The following DENND1A variants were observed in gnomAD, a reference collection of about 807,000 sequenced individuals.
The protein encoded by DENND1A is DENN domain-containing protein 1A.
Under a neutral mutation model 113.7 loss-of-function variants are expected in DENND1A, and 51 were observed. That is an observed-to-expected ratio of 0.45 (90% CI 0.36 to 0.57). DENND1A has a LOEUF of 0.57. Among genes scored for constraint, DENND1A ranks in the 20% least tolerant of loss-of-function variants. The pLI is 0.00. For missense variants in DENND1A, 1,258 were observed against 1,395.9 expected (o/e 0.90, Z 1.57); for synonymous variants, 565 against 570.8 (o/e 0.99, Z 0.14).
chr9:123,551,801 G>A (rs940712259), intron 13 of DENND1A, among the ~76,000 whole-genome samples: 1 of 152,092 alleles, frequency 6.6e-6, no homozygotes, highest in Non-Finnish European at 1.5e-5. Context: ...GCCCTGAGCC[G>A]GGCACCCAGC....
intron 3 of DENND1A, among the ~76,000 whole-genome samples, chr9:123,776,527 T>C (rs1292876204): frequency 6.6e-6 from 1 of 152,222 alleles, no homozygotes; most frequent in African/African-American, 2.4e-5. Flanking sequence ...AAAAAATAGA[T>C]TCAAATGTGT....
At chr9:123,462,853 A>G (rs1456686914) in intron 13 of DENND1A, among the ~76,000 whole-genome samples, 1 of 152,142 alleles carries the variant, frequency 6.6e-6, no homozygotes, top group African/African-American at 2.4e-5. Context: ...TCTCCTGCAC[A>G]CAAAGCACCA....
intron 13 of DENND1A, among the ~76,000 whole-genome samples, chr9:123,534,729 G>A (rs2055594774): frequency 6.6e-6 from 1 of 152,176 alleles, no homozygotes. Flanking sequence ...TCAGTTGAGT[G>A]TATTTTCCTA....
At chr9:123,874,543 C>G (rs1055166676) in intron 2 of DENND1A, among the ~76,000 whole-genome samples, 1 of 152,182 alleles carries the variant, frequency 6.6e-6, no homozygotes, top group East Asian at 1.9e-4. Context: ...GGGAGGAACA[C>G]TTGAGCCCAG....
At chr9:123,781,956 G>C (rs1420070478) in intron 3 of DENND1A, among the ~76,000 whole-genome samples, 2 of 152,050 alleles carry the variant, frequency 1.3e-5, no homozygotes. Context: ...TGTAGTCCCA[G>C]CTACTCAGGA....
intron 13 of DENND1A, among the ~76,000 whole-genome samples, chr9:123,542,291 T>C (rs1214375055): frequency 6.6e-6 from 1 of 152,158 alleles, no homozygotes; most frequent in African/African-American, 2.4e-5. Flanking sequence ...CCCTTACCTA[T>C]TGTACAGTTG....
intron 9 of DENND1A, among the ~76,000 whole-genome samples, chr9:123,635,858 G>A (rs1337757473): frequency 6.6e-6 from 1 of 152,148 alleles, no homozygotes; most frequent in Non-Finnish European, 1.5e-5. Context: ...CTTGCTCCGA[G>A]TCTTCTGCTA....
At chr9:123,561,577 T>C (rs1329905283) in intron 12 of DENND1A, among the ~76,000 whole-genome samples, 1 of 152,188 alleles carries the variant, frequency 6.6e-6, no homozygotes, top group Non-Finnish European at 1.5e-5. Flanking sequence ...CAGAGTCATA[T>C]ATCTAAAGCT....
intron 1 of DENND1A, among the ~76,000 whole-genome samples, chr9:123,913,113 TAAAAAAA>T (rs915063969): frequency 3.5e-5 from 3 of 86,710 alleles, no homozygotes; most frequent in African/African-American, 8.7e-5. Flanking sequence ...AAAGACAGTT[TAAAAAAA>T]AAAAAAAAAA....
intron 1 of DENND1A, among the ~76,000 whole-genome samples, chr9:123,906,484 G>A (rs1164188076): frequency 1.3e-4 from 9 of 70,774 alleles, no homozygotes; most frequent in Middle Eastern, 5.0e-3. Flanking sequence ...GAAAAAAAGA[G>A]AGAAGAATCA....
intron 5 of DENND1A, among the ~76,000 whole-genome samples, chr9:123,726,436 T>C (rs1168282436): frequency 2.6e-5 from 4 of 152,208 alleles, no homozygotes; most frequent in Admixed American, 1.3e-4. Flanking sequence ...GAACATACTT[T>C]AGCCATTCCA....
chr9:123,905,011 A>G (rs994137051), intron 1 of DENND1A, among the ~76,000 whole-genome samples: 6 of 152,238 alleles, frequency 3.9e-5, no homozygotes, highest in African/African-American at 1.2e-4. Flanking sequence ...CAGATCTCTC[A>G]GCAGAAACCC....
At chr9:123,860,580 A>G (rs968473636) in intron 2 of DENND1A, among the ~76,000 whole-genome samples, 1 of 152,204 alleles carries the variant, frequency 6.6e-6, no homozygotes, top group Non-Finnish European at 1.5e-5. Flanking sequence ...TTACCACTCT[A>G]CACAAACCTT....
rs1256062682 is a variant in DENND1A at position 123,422,645 on chromosome 9, T to C, written c.1489-10816A>G. Among the ~76,000 whole-genome samples the C allele has an allele frequency of 6.6e-6, 1 of 152,144 alleles. No individual in the cohort carries two copies. Among genetic ancestry groups the C allele is most frequent in the Non-Finnish European group, 1.5e-5 (1 of 68,034 alleles). ...CAGCAGAGTTTAAAATCCTAGCTAA[T>C]AGGTTAACAACTGTTTTTCTTCAGC... On this transcript the variant is annotated intron_variant, in intron 19 of 23. Transcript: ENST00000394215. This position sits in a 1 kb window ranked among gnomAD's most constrained non-coding sequence, Gnocchi z 4.8.
intron 3 of DENND1A, among the ~76,000 whole-genome samples, chr9:123,783,847 T>C (rs1180961483): frequency 6.6e-6 from 1 of 152,190 alleles, no homozygotes; most frequent in Non-Finnish European, 1.5e-5. Context: ...ACATTGGCCA[T>C]AGCCATTTCT....
At chr9:123,506,332 C>T (rs910996558) in intron 13 of DENND1A, among the ~76,000 whole-genome samples, 6 of 152,000 alleles carry the variant, frequency 3.9e-5, no homozygotes, top group African/African-American at 9.7e-5. Context: ...GCCTGTAATC[C>T]CAGAACTTTG....
At chr9:123,870,855 A>G (rs1309442277) in intron 2 of DENND1A, among the ~76,000 whole-genome samples, 1 of 152,174 alleles carries the variant, frequency 6.6e-6, no homozygotes, top group Non-Finnish European at 1.5e-5. Flanking sequence ...TTCGAGCTTT[A>G]AGAAAGTAAT....
At chr9:123,414,992 C>A (rs1447106264) in intron 19 of DENND1A, among the ~76,000 whole-genome samples, 1 of 152,190 alleles carries the variant, frequency 6.6e-6, no homozygotes, top group African/African-American at 2.4e-5. Context: ...CCAGATTCTT[C>A]AATTAACTCA....
intron 10 of DENND1A, among the ~76,000 whole-genome samples, chr9:123,618,844 G>A (rs2060791323): frequency 6.6e-6 from 1 of 151,148 alleles, no homozygotes; most frequent in African/African-American, 2.4e-5. Context: ...TAGAGGGACA[G>A]GGCTAAAGGC....
Sources: allele counts gnomAD v4.1 joint callset (sites outside exome capture counted in the v4.1 genomes callset), GRCh38; gene constraint gnomAD v4.1.1; non-coding constraint Gnocchi (gnomAD v3.1); transcripts MANE v1.5; gene names NCBI Gene and HGNC (gene_info 2026-07-23, HGNC 2026-07-21).